Variants in SPMIP2 observed in about 807,000 individuals in gnomAD.
SPMIP2 encodes the protein sperm microtubule inner protein 2.
At chr4:158,898,767 A>G in the SPMIP2 span, among the ~76,000 whole-genome samples, 1 of 152,238 alleles carries the variant, frequency 6.6e-6, no homozygotes, top group Admixed American at 6.5e-5. Context: ...ATATACAATC[A>G]TGTCATCTGC....
the SPMIP2 span, among the ~76,000 whole-genome samples, chr4:158,954,922 G>A: frequency 6.6e-6 from 1 of 152,032 alleles, no homozygotes; most frequent in Non-Finnish European, 1.5e-5. Flanking sequence ...TAATTGGACT[G>A]TAAACCATTC....
chr4:159,061,190 C>T, the SPMIP2 span, among the ~76,000 whole-genome samples: 1 of 151,060 alleles, frequency 6.6e-6, no homozygotes, highest in Non-Finnish European at 1.5e-5. Context: ...CAGAAAACAG[C>T]AGAAAAAAAC....
At chr4:158,899,071 G>A in the SPMIP2 span, among the ~76,000 whole-genome samples, 11 of 152,180 alleles carry the variant, frequency 7.2e-5, 1 homozygote, top group Admixed American at 3.3e-4. Flanking sequence ...GAGTTTTGTC[G>A]AAGGCCTTTT....
At chr4:159,039,236 GC>G in the SPMIP2 span, among the ~76,000 whole-genome samples, 77 of 152,272 alleles carry the variant, frequency 5.1e-4, no homozygotes, top group Admixed American at 8.5e-4. Context: ...ACCACACCTG[GC>G]CCTCTGAAAG....
chr4:158,933,760 T>TA, the SPMIP2 span, among the ~76,000 whole-genome samples: 1 of 151,998 alleles, frequency 6.6e-6, no homozygotes, highest in Non-Finnish European at 1.5e-5. Flanking sequence ...TCTGTTCCTT[T>TA]ACCATTGGTA....
the SPMIP2 span, among the ~76,000 whole-genome samples, chr4:158,981,332 T>C: frequency 1.3e-5 from 2 of 152,024 alleles, no homozygotes; most frequent in Non-Finnish European, 2.9e-5. Context: ...CAGGCCAACA[T>C]TCAAATTCAG....
the SPMIP2 span, among the ~76,000 whole-genome samples, chr4:158,984,317 C>A: frequency 0.2 from 25,324 of 125,388 alleles, 2,640 homozygotes; most frequent in Middle Eastern, 0.28. Flanking sequence ...ACCCCAAATC[C>A]ACAGAATATA....
At chr4:158,995,454 C>T in the SPMIP2 span, among the ~76,000 whole-genome samples, 1 of 152,192 alleles carries the variant, frequency 6.6e-6, no homozygotes, top group African/African-American at 2.4e-5. Flanking sequence ...ATATATTTGG[C>T]ACCTTACCAC....
chr4:159,074,814 C>T, the SPMIP2 span, among the ~76,000 whole-genome samples: 2 of 152,084 alleles, frequency 1.3e-5, no homozygotes, highest in African/African-American at 4.8e-5. Context: ...CAACCAGAGA[C>T]CCTCATAACA....
chr4:159,030,930 T>C, the SPMIP2 span, among the ~76,000 whole-genome samples: 15 of 152,254 alleles, frequency 9.9e-5, no homozygotes, highest in Non-Finnish European at 2.9e-5. Flanking sequence ...TTTTTTTACA[T>C]TATTGACATC....
the SPMIP2 span, among the ~76,000 whole-genome samples, chr4:158,898,279 C>T: frequency 6.6e-6 from 1 of 152,152 alleles, no homozygotes; most frequent in Admixed American, 6.5e-5. Context: ...CATGATGCCT[C>T]CAGCTTTGTT....
chr4:158,983,057 A>G, the SPMIP2 span, among the ~76,000 whole-genome samples: 2 of 152,224 alleles, frequency 1.3e-5, no homozygotes, highest in African/African-American at 4.8e-5. Flanking sequence ...AAGAAAGGGT[A>G]TCAGTGATGG....
the SPMIP2 span, among the ~76,000 whole-genome samples, chr4:159,052,961 T>TA: frequency 2.8e-3 from 299 of 105,672 alleles, 5 homozygotes; most frequent in African/African-American, 8.1e-3. Context: ...TATTATTTTT[T>TA]TTTTTTTTTT....
At chr4:158,954,407 T>C in the SPMIP2 span, among the ~76,000 whole-genome samples, 1 of 152,188 alleles carries the variant, frequency 6.6e-6, no homozygotes, top group African/African-American at 2.4e-5. Context: ...TGTGGAACTG[T>C]AAGTCCAATT....
chr4:158,940,251 A>G, the SPMIP2 span, among the ~76,000 whole-genome samples: 33 of 152,256 alleles, frequency 2.2e-4, 1 homozygote, highest in Middle Eastern at 6.8e-3. Context: ...TCCCACAATT[A>G]GGAGGGATTA....
chr4:158,920,886 A>AC, the SPMIP2 span, among the ~76,000 whole-genome samples: 3 of 151,456 alleles, frequency 2.0e-5, no homozygotes, highest in African/African-American at 7.3e-5. Context: ...CTGTTCTTAC[A>AC]CCCCCTCCCC....
chr4:158,975,575 T>C, the SPMIP2 span, among the ~76,000 whole-genome samples: 1 of 152,254 alleles, frequency 6.6e-6, no homozygotes, highest in Non-Finnish European at 1.5e-5. Flanking sequence ...CCATTGCTTG[T>C]TTTTGTCAGG....
At chr4:158,941,056 G>A in the SPMIP2 span, among the ~76,000 whole-genome samples, 2 of 152,126 alleles carry the variant, frequency 1.3e-5, no homozygotes, top group Non-Finnish European at 2.9e-5. Flanking sequence ...CTAAGTACTA[G>A]GAGACATCAC....
chr4:159,039,477 G>A, the SPMIP2 span, among the ~76,000 whole-genome samples: 2 of 152,138 alleles, frequency 1.3e-5, no homozygotes, highest in African/African-American at 4.8e-5. Context: ...GCTGACTAGT[G>A]AGTAGTGGTA....
Sources: gnomAD v4.1 joint callset for allele counts (sites outside exome capture counted in the v4.1 genomes callset) on GRCh38, gnomAD v4.1.1 for gene constraint, MANE v1.5 for transcripts, NCBI Gene and HGNC (gene_info 2026-07-23, HGNC 2026-07-21) for gene names.